The following ABTB3 variants were observed in gnomAD, a reference collection of about 807,000 sequenced individuals.
ABTB3 encodes ankyrin repeat- and BTB/POZ domain-containing protein 3.
chr12:107,639,951 G>A, the ABTB3 span, among the ~76,000 whole-genome samples: 2 of 152,222 alleles, frequency 1.3e-5, no homozygotes, highest in Non-Finnish European at 2.9e-5. Flanking sequence ...TGAGGGGACA[G>A]CTCTTCTAAA....
the ABTB3 span, among the ~76,000 whole-genome samples, chr12:107,468,391 G>A: frequency 1.2e-4 from 19 of 152,254 alleles, no homozygotes; most frequent in South Asian, 1.0e-3. Context: ...GTTTAAAGGC[G>A]CTCCAGCTTC....
chr12:107,624,344 A>T, the ABTB3 span, among the ~76,000 whole-genome samples: 2 of 152,174 alleles, frequency 1.3e-5, no homozygotes, highest in Non-Finnish European at 2.9e-5. Flanking sequence ...TGTACCATTT[A>T]CACAGGGGGA....
chr12:107,413,117 A>G, the ABTB3 span, among the ~76,000 whole-genome samples: 2 of 151,910 alleles, frequency 1.3e-5, no homozygotes, highest in African/African-American at 4.8e-5. Flanking sequence ...TACTAAAAAT[A>G]CAAAAAATTA....
chr12:107,572,761 G>A, the ABTB3 span, among the ~76,000 whole-genome samples: 1 of 152,176 alleles, frequency 6.6e-6, no homozygotes, highest in Non-Finnish European at 1.5e-5. Context: ...CCTTCTCTGG[G>A]ATGGGAAGGG....
At chr12:107,582,773 T>C in the ABTB3 span, among the ~76,000 whole-genome samples, 1 of 152,198 alleles carries the variant, frequency 6.6e-6, no homozygotes, top group Non-Finnish European at 1.5e-5. Context: ...CGGACTGTGC[T>C]GCCTCCTGTT....
At chr12:107,445,976 G>A in the ABTB3 span, among the ~76,000 whole-genome samples, 1 of 145,946 alleles carries the variant, frequency 6.9e-6, no homozygotes, top group Non-Finnish European at 1.5e-5. Context: ...AATTACATTG[G>A]CCCATCTAGA....
At chr12:107,640,352 T>A in the ABTB3 span, 1 of 1,600,318 alleles carries the variant, frequency 6.2e-7, no homozygotes, top group Non-Finnish European at 8.5e-7. Flanking sequence ...TGATGTTACA[T>A]TTCTGGTAGA....
the ABTB3 span, among the ~76,000 whole-genome samples, chr12:107,577,419 A>G: frequency 6.6e-6 from 1 of 152,222 alleles, no homozygotes; most frequent in East Asian, 1.9e-4. Flanking sequence ...CATTCTTTCT[A>G]GTACCCAGAC....
chr12:107,392,343 G>T, the ABTB3 span, among the ~76,000 whole-genome samples: 1 of 152,054 alleles, frequency 6.6e-6, no homozygotes, highest in Non-Finnish European at 1.5e-5. Flanking sequence ...TCTCTTAACT[G>T]TTCCTGGGGA....
the ABTB3 span, among the ~76,000 whole-genome samples, chr12:107,427,479 T>C: frequency 6.6e-6 from 1 of 152,168 alleles, no homozygotes; most frequent in Non-Finnish European, 1.5e-5. Context: ...GGGGTCTTGC[T>C]ATTCTGAAGC....
chr12:107,404,323 G>A, the ABTB3 span, among the ~76,000 whole-genome samples: 1 of 152,156 alleles, frequency 6.6e-6, no homozygotes, highest in Non-Finnish European at 1.5e-5. Context: ...CCATCTGCTG[G>A]AAAGAACTTG....
chr12:107,387,975 T>TTCTTC, the ABTB3 span, among the ~76,000 whole-genome samples: 1 of 132,188 alleles, frequency 7.6e-6, no homozygotes, highest in African/African-American at 3.2e-5. Flanking sequence ...TCTTCTTCTT[T>TTCTTC]TTTTTTTTTT....
chr12:107,382,230 T>C, the ABTB3 span, among the ~76,000 whole-genome samples: 1 of 152,120 alleles, frequency 6.6e-6, no homozygotes, highest in Non-Finnish European at 1.5e-5. Flanking sequence ...GTTTGGATGC[T>C]TTCGAAGGCC....
At chr12:107,589,788 T>C in the ABTB3 span, among the ~76,000 whole-genome samples, 3 of 152,238 alleles carry the variant, frequency 2.0e-5, no homozygotes, top group African/African-American at 7.2e-5. Flanking sequence ...GTTGCCTTGA[T>C]TGTGGGGCTT....
the ABTB3 span, among the ~76,000 whole-genome samples, chr12:107,352,601 G>A: frequency 1.3e-5 from 2 of 152,184 alleles, no homozygotes. Flanking sequence ...CCCCAGTGCA[G>A]AGCCTGGGGC....
At chr12:107,353,714 G>A in the ABTB3 span, among the ~76,000 whole-genome samples, 3 of 152,154 alleles carry the variant, frequency 2.0e-5, no homozygotes, top group African/African-American at 7.2e-5. Context: ...GTACAAGTGA[G>A]CATTACCGCC....
chr12:107,579,739 G>T, the ABTB3 span, among the ~76,000 whole-genome samples: 2 of 152,204 alleles, frequency 1.3e-5, no homozygotes, highest in Admixed American at 1.3e-4. Flanking sequence ...AGGGCCGGGG[G>T]AGGCAAGAGA....
At chr12:107,641,940 A>G in the ABTB3 span, 1 of 742,760 alleles carries the variant, frequency 1.3e-6, no homozygotes, top group Non-Finnish European at 2.4e-6. Flanking sequence ...AGGAGGGTTT[A>G]AATTAAGAAA....
chr12:107,385,006 A>G, the ABTB3 span, among the ~76,000 whole-genome samples: 1 of 152,148 alleles, frequency 6.6e-6, no homozygotes, highest in Non-Finnish European at 1.5e-5. Flanking sequence ...GATTGCTTGC[A>G]CTTCTGCCCG....
Sources: gnomAD v4.1 joint callset for allele counts (sites outside exome capture counted in the v4.1 genomes callset) on GRCh38, gnomAD v4.1.1 for gene constraint, MANE v1.5 for transcripts, NCBI Gene and HGNC (gene_info 2026-07-23, HGNC 2026-07-21) for gene names.